The following LINGO2 variants were observed in gnomAD, a reference collection of about 807,000 sequenced individuals.
The protein encoded by LINGO2 is leucine rich repeat and Ig domain containing 2, also known as leucine-rich repeat and immunoglobulin-like domain-containing nogo receptor-interacting protein 2.
A neutral mutation model predicts 30.6 loss-of-function variants in LINGO2; 14 were observed. The ratio of observed to expected loss-of-function variants is 0.46; its 90% confidence interval spans 0.30 to 0.72. The LOEUF (loss-of-function observed/expected upper bound fraction) is 0.72. Ranked by LOEUF, LINGO2 falls within the 30% of genes least tolerant of loss-of-function variation. The pLI, the probability that LINGO2 is intolerant of heterozygous loss-of-function variation, is 0.07. For synonymous variants in LINGO2, 317 were observed against 288.5 expected (o/e 1.10, Z -1.00); for missense variants, 729 against 751.7 (o/e 0.97, Z 0.35).
intron 4 of LINGO2, among the ~76,000 whole-genome samples, chr9:28,079,750 G>A (rs1032096526): frequency 2.0e-5 from 3 of 152,108 alleles, no homozygotes; most frequent in African/African-American, 7.2e-5. Flanking sequence ...CCATCTGCAT[G>A]GTGGAAACTT....
At chr9:28,791,122 T>C in the LINGO2 span, among the ~76,000 whole-genome samples, 3 of 152,108 alleles carry the variant, frequency 2.0e-5, no homozygotes, top group Non-Finnish European at 4.4e-5. Flanking sequence ...CCCCTTCCTT[T>C]CTCACCACCA....
At chr9:29,138,935 G>T in the LINGO2 span, among the ~76,000 whole-genome samples, 1 of 152,160 alleles carries the variant, frequency 6.6e-6, no homozygotes, top group East Asian at 1.9e-4. Flanking sequence ...AGGACATGGT[G>T]ACTTGCTAAT....
At chr9:29,089,637 C>A in the LINGO2 span, among the ~76,000 whole-genome samples, 3 of 152,000 alleles carry the variant, frequency 2.0e-5, no homozygotes, top group African/African-American at 7.2e-5. Flanking sequence ...TTTGATCTTA[C>A]TGCAATTTTA....
At chr9:28,199,174 T>C (rs1820125316) in intron 4 of LINGO2, among the ~76,000 whole-genome samples, 1 of 152,150 alleles carries the variant, frequency 6.6e-6, no homozygotes, top group South Asian at 2.1e-4. Context: ...TGGGTTGTTA[T>C]TTATCTTTAT....
intron 1 of LINGO2, among the ~76,000 whole-genome samples, chr9:28,520,327 A>T (rs1820780825): frequency 6.6e-6 from 1 of 152,104 alleles, no homozygotes; most frequent in Admixed American, 6.6e-5. Flanking sequence ...ATTTTTTACT[A>T]GTTTATTAAG....
the LINGO2 span, among the ~76,000 whole-genome samples, chr9:29,038,690 AAC>A: frequency 1.3e-5 from 2 of 151,344 alleles, no homozygotes; most frequent in African/African-American, 4.9e-5. Context: ...AAAAAAAAAA[AAC>A]ATGAAAAAAG....
chr9:29,169,696 T>C, the LINGO2 span, among the ~76,000 whole-genome samples: 1 of 152,086 alleles, frequency 6.6e-6, no homozygotes, highest in African/African-American at 2.4e-5. Flanking sequence ...TGTAAATTAG[T>C]AAAACCTCTA....
At chr9:28,038,680 G>T (rs907770550) in intron 4 of LINGO2, among the ~76,000 whole-genome samples, 2 of 132,916 alleles carry the variant, frequency 1.5e-5, no homozygotes, top group Non-Finnish European at 3.1e-5. Flanking sequence ...GCGACAGAGC[G>T]AGACTCCGTC....
chr9:29,057,619 T>A, the LINGO2 span, among the ~76,000 whole-genome samples: 1 of 152,064 alleles, frequency 6.6e-6, no homozygotes, highest in Non-Finnish European at 1.5e-5. Flanking sequence ...CTTGAATTTG[T>A]GAGATGGTGT....
the LINGO2 span, among the ~76,000 whole-genome samples, chr9:29,026,928 A>G: frequency 1.3e-5 from 2 of 149,422 alleles, no homozygotes; most frequent in Admixed American, 1.3e-4. Context: ...TCCATTACTT[A>G]GGATAAATAT....
chr9:27,954,904 C>A (rs190288570), intron 5 of LINGO2, among the ~76,000 whole-genome samples: 67 of 152,254 alleles, frequency 4.4e-4, no homozygotes, highest in Admixed American at 7.9e-4. Flanking sequence ...ACATCCTTAC[C>A]AGCATAAATT....
intron 2 of LINGO2, among the ~76,000 whole-genome samples, chr9:28,431,386 G>A (rs1043046830): frequency 6.6e-6 from 1 of 152,012 alleles, no homozygotes; most frequent in Non-Finnish European, 1.5e-5. Context: ...AAGAAAGGAA[G>A]AAGAGAAGAA....
the LINGO2 span, among the ~76,000 whole-genome samples, chr9:28,963,554 A>ACACT: frequency 3.3e-5 from 5 of 151,270 alleles, no homozygotes; most frequent in African/African-American, 1.2e-4. Context: ...ACACACACAC[A>ACACT]CACACACACA....
At chr9:28,545,205 C>T (rs148903312) in intron 1 of LINGO2, among the ~76,000 whole-genome samples, 214 of 152,066 alleles carry the variant, frequency 1.4e-3, no homozygotes, top group African/African-American at 5.0e-3. Flanking sequence ...TTTAACTGAA[C>T]TGAGGGGAGG....
At chr9:28,285,398 A>ATTTTTTTTTTTT (rs34034595) in intron 4 of LINGO2, among the ~76,000 whole-genome samples, 1 of 76,166 alleles carries the variant, frequency 1.3e-5, no homozygotes, top group African/African-American at 5.3e-5. Flanking sequence ...GCCCAAGATC[A>ATTTTTTTTTTTT]TTTTTTTTTT....
At chr9:28,302,267 T>A (rs1398664215) in intron 3 of LINGO2, among the ~76,000 whole-genome samples, 1 of 152,212 alleles carries the variant, frequency 6.6e-6, no homozygotes, top group African/African-American at 2.4e-5. Flanking sequence ...AGGACTTACA[T>A]TTCATGAAGA....
intron 2 of LINGO2, among the ~76,000 whole-genome samples, chr9:28,377,843 A>T (rs556630988): frequency 1.5e-4 from 23 of 152,254 alleles, no homozygotes; most frequent in Non-Finnish European, 3.2e-4. Flanking sequence ...TCAGGCATGA[A>T]ATGTAGTCAG....
the LINGO2 span, among the ~76,000 whole-genome samples, chr9:28,977,509 G>A: frequency 1.1e-4 from 17 of 151,938 alleles, no homozygotes; most frequent in East Asian, 2.3e-3. Flanking sequence ...TAATAATAGC[G>A]ACCTGCATTT....
At chr9:28,549,337 G>A (rs552982158) in intron 1 of LINGO2, among the ~76,000 whole-genome samples, 21 of 152,076 alleles carry the variant, frequency 1.4e-4, no homozygotes, top group African/African-American at 4.8e-5. Context: ...AATGCTAAAC[G>A]GAATTTCATT....
Sources: allele counts gnomAD v4.1 joint callset (sites outside exome capture counted in the v4.1 genomes callset), GRCh38; gene constraint gnomAD v4.1.1; transcripts MANE v1.5; gene names NCBI Gene and HGNC (gene_info 2026-07-23, HGNC 2026-07-21).